The following SAMD8 variants were observed in gnomAD, a reference collection of about 807,000 sequenced individuals.
SAMD8 encodes sterile alpha motif domain containing 8.
SAMD8 carries 20 observed loss-of-function variants against 42.0 expected under a neutral mutation model. The ratio of observed to expected loss-of-function variants is 0.48; its 90% CI spans 0.34 to 0.69. The LOEUF (loss-of-function observed/expected upper bound fraction) is 0.69, where lower values mean the gene tolerates loss of function less well. Ranked by LOEUF, SAMD8 falls within the 30% of genes least tolerant of loss-of-function variation. SAMD8 has a pLI of 0.01. For missense variants in SAMD8, 328 were observed against 511.6 expected (o/e 0.64, Z 3.46); for synonymous variants, 162 against 173.0 (o/e 0.94, Z 0.50).
In SAMD8 at chr10:75,180,704, G is replaced by A. The variant is rs988958331; in HGVS notation, c.*4012G>A. Reference sequence around the variant, plus strand: ...TACTCTGTGAGCAGCGGTGTTTCGTGCCCTGTCTCTGCCTGTGTGTTTTTA... The same window carrying A: ...TACTCTGTGAGCAGCGGTGTTTCGTACCCTGTCTCTGCCTGTGTGTTTTTA... On this transcript the variant is annotated 3_prime_UTR_variant, in exon 6 of 6. Transcript: ENST00000542569. The A allele has an allele frequency of 6.6e-6, 1 of 152,198 alleles. No homozygotes were observed. The highest frequency in any genetic ancestry group is 1.5e-5 in the Non-Finnish European group (1 of 68,044). 9.4% of individuals were successfully genotyped at this position (152,198 alleles called of 1,614,324 possible). A position where few individuals can be genotyped will look rare whatever the true frequency, so the allele number is the denominator to read the frequency against.
chr10:75,103,893 C>T (rs1324142462), intron 1 of SAMD8: 7 of 1,307,292 alleles, frequency 5.4e-6, no homozygotes, highest in Non-Finnish European at 7.1e-6. Flanking sequence ...CCCACTCCCA[C>T]CTGTGGAGAC....
At chr10:75,116,384 G>A (rs1257930156) in intron 1 of SAMD8, among the ~76,000 whole-genome samples, 2 of 152,162 alleles carry the variant, frequency 1.3e-5, no homozygotes, top group African/African-American at 4.8e-5. Flanking sequence ...AGGATTACAG[G>A]TGTGAGTGTC....
At chr10:75,119,525 TG>T (rs773820290) in intron 1 of SAMD8, among the ~76,000 whole-genome samples, 5 of 152,350 alleles carry the variant, frequency 3.3e-5, no homozygotes, top group Non-Finnish European at 7.4e-5. Flanking sequence ...GGCATTTGAA[TG>T]TAGGGCTTTT....
chr10:75,176,744 T>C lies in SAMD8; in HGVS notation c.*52T>C, dbSNP rs1840997978. On this transcript the variant is annotated 3_prime_UTR_variant, in exon 6 of 6. Coordinates refer to ENST00000542569, the MANE Select transcript of SAMD8 (RefSeq NM_001174156.2). This position sits in a 1 kb window ranked among gnomAD's most constrained non-coding sequence, Gnocchi z 4.3. Reference sequence around the variant, plus strand: ...TTAAATATATAATAGTTGTTGAAAATGAGTAACTTTGCGTTCTCCCCCTAG... The same window carrying C: ...TTAAATATATAATAGTTGTTGAAAACGAGTAACTTTGCGTTCTCCCCCTAG... The C allele has an allele frequency of 7.4e-7, 1 of 1,349,768 alleles. No homozygotes were observed. 83.6% of individuals were successfully genotyped at this position (1,349,768 alleles called of 1,614,324 possible).
rs183768369 is a variant in SAMD8, at chr10:75,148,599, C to T, written c.-15-1915C>T. Among the ~76,000 whole-genome samples, 199 of 152,166 alleles carry T rather than the reference C, an allele frequency of 1.3e-3. 4 individuals carry two copies. Among genetic ancestry groups the T allele is most frequent in the African/African-American group, 4.3e-3 (180 of 41,504 alleles). Reference sequence around the variant, plus strand: ...TGATCTCCTGACCTTGTGATCCACCCGCCTCGGCCTCCCAAAGTGCTGGGA... The same window carrying T: ...TGATCTCCTGACCTTGTGATCCACCTGCCTCGGCCTCCCAAAGTGCTGGGA... On this transcript the variant is annotated intron_variant, in intron 1 of 5. Coordinates refer to ENST00000542569, the MANE Select transcript of SAMD8 (RefSeq NM_001174156.2).
intron 1 of SAMD8, among the ~76,000 whole-genome samples, chr10:75,123,852 A>G (rs1033009214): frequency 6.6e-6 from 1 of 151,578 alleles, no homozygotes; most frequent in African/African-American, 2.4e-5. Flanking sequence ...ACTCAGCCTC[A>G]GAGTAGCTGG....
chr10:75,150,849 A>G lies in SAMD8; in HGVS notation c.321A>G (p.Thr107=). Residue 107 remains threonine, a synonymous_variant, in exon 2 of 6, where the codon ACA becomes ACG. Coordinates refer to ENST00000542569, the MANE Select transcript of SAMD8 (RefSeq NM_001174156.2). The part of the protein sequence containing the change: ...MTPFISALQS[T]DWLCNGELSH... The stretch of plus-strand genomic sequence containing the variant: ...CTTTCATCAGTGCTCTTCAGAGTAC[A>G]GACTGGCTCTGTAATGGGGAGCTTT... 1 of 1,613,976 alleles carries G rather than the reference A, an allele frequency of 6.2e-7. No individual in the cohort carries two copies. Among genetic ancestry groups the G allele is most frequent in the Non-Finnish European group, 8.5e-7 (1 of 1,179,932 alleles).
At chr10:75,149,019 TA>T (rs1324792593) in intron 1 of SAMD8, among the ~76,000 whole-genome samples, 2 of 151,898 alleles carry the variant, frequency 1.3e-5, no homozygotes. Flanking sequence ...TCAAGCTGGG[TA>T]ATAGGCACAT....
At chr10:75,137,204 A>G (rs2134454818) in intron 1 of SAMD8, among the ~76,000 whole-genome samples, 1 of 152,354 alleles carries the variant, frequency 6.6e-6, no homozygotes. Flanking sequence ...GTGTAAACAA[A>G]ATGTGATATA....
chr10:75,134,636 C>A (rs574803735), intron 1 of SAMD8, among the ~76,000 whole-genome samples: 22 of 151,688 alleles, frequency 1.5e-4, no homozygotes, highest in South Asian at 4.2e-4. Context: ...CTTTCCCCCC[C>A]CCAAAAAAAA....
upstream of SAMD8, among the ~76,000 whole-genome samples, chr10:75,110,465 CT>C (rs1273677983): frequency 2.6e-5 from 4 of 152,184 alleles, no homozygotes; most frequent in African/African-American, 9.7e-5. Flanking sequence ...CCCAGCTGCC[CT>C]TGGCCTTAAG....
At chr10:75,109,080 C>T (rs1417365113), upstream of SAMD8, 6 of 1,612,420 alleles carry the variant, frequency 3.7e-6, no homozygotes, top group African/African-American at 2.7e-5. Flanking sequence ...CCCGCAGGAG[C>T]TCCTCCAGCT....
chr10:75,150,035 C>T (rs916608937), intron 1 of SAMD8, among the ~76,000 whole-genome samples: 2 of 150,460 alleles, frequency 1.3e-5, no homozygotes, highest in Non-Finnish European at 3.0e-5. Flanking sequence ...TTCTGGGGTG[C>T]GTGTGTGTAT....
chr10:75,115,757 G>A (rs1334002427), intron 1 of SAMD8, among the ~76,000 whole-genome samples: 1 of 151,902 alleles, frequency 6.6e-6, no homozygotes, highest in African/African-American at 2.4e-5. Flanking sequence ...TGGCGAACAC[G>A]GTGAAACCCC....
At chr10:75,117,420 T>TA (rs56378736) in intron 1 of SAMD8, among the ~76,000 whole-genome samples, 547 of 139,536 alleles carry the variant, frequency 3.9e-3, no homozygotes, top group African/African-American at 0.012. Flanking sequence ...GGCCCTATCT[T>TA]AAAAAAAAAA....
At chr10:75,167,999 A>G (rs541962507) in intron 3 of SAMD8, among the ~76,000 whole-genome samples, 91 of 151,552 alleles carry the variant, frequency 6.0e-4, no homozygotes, top group African/African-American at 2.1e-3. Context: ...TTTTAGCCAT[A>G]TTTTCTTTTT....
Position 75,168,549 on chromosome 10 carries a change from T to C in SAMD8, c.683T>C (p.Leu228Pro). ...TGGTTGATCTGTTACAGGTCAATAC[T>C]TCTGCGAAGGCTCTGTAGTCTGATG... ...VLLLHKHRSI[L>P]LRRLCSLMGT... The change falls in exon 4 of 6, where the codon CTT becomes CCT. Residue 228 changes from leucine to proline, a missense_variant. By Grantham distance (98) the Leu-to-Pro change is moderately conservative (BLOSUM62 -3). Transcript: ENST00000542569. 1 of 1,613,446 alleles carries C rather than the reference T, an allele frequency of 6.2e-7. No individual in the cohort carries two copies. Among genetic ancestry groups the C allele is most frequent in the Non-Finnish European group, 8.5e-7 (1 of 1,179,406 alleles).
Position 75,164,736 on chromosome 10 carries a change from C to G in SAMD8, c.670C>G (p.His224Asp). ...IWLLVLLLHK[H>D]RSILLRRLCS... ...GCTCCTGGTTCTTCTTCTTCACAAG[C>G]ACAGGTACCTCATTACTCCATTAAA... The change falls in exon 3 of 6, where the codon CAC becomes GAC. Residue 224 changes from histidine (H) to aspartate (D), a missense_variant. Physicochemically the swap from His to Asp is moderately conservative, Grantham distance 81. This residue lies in a region of SAMD8 where 178 missense variants were observed against 325.6 expected (regional missense o/e 0.55). Coordinates refer to ENST00000542569, the MANE Select transcript of SAMD8 (RefSeq NM_001174156.2). The G allele has an allele frequency of 3.1e-6, 5 of 1,606,028 alleles. No homozygotes were observed. Among genetic ancestry groups the G allele is most frequent in the Non-Finnish European group, 4.3e-6 (5 of 1,172,668 alleles).
At chr10:75,164,505 T>C (rs1372532105) in intron 2 of SAMD8, 140 bp from the exon 3 acceptor site, 2 of 1,397,392 alleles carry the variant, frequency 1.4e-6, no homozygotes, top group Non-Finnish European at 1.9e-6. Context: ...TCTCCCAGTT[T>C]CTCCAAATAT....
Sources: allele counts gnomAD v4.1 joint callset (sites outside exome capture counted in the v4.1 genomes callset), GRCh38; gene constraint gnomAD v4.1.1; regional missense constraint gnomAD v4.1.1; non-coding constraint Gnocchi (gnomAD v3.1); transcripts MANE v1.5; gene names NCBI Gene and HGNC (gene_info 2026-07-23, HGNC 2026-07-21).